The following KDM4B variants were observed in gnomAD, a reference collection of about 807,000 sequenced individuals.
The protein encoded by KDM4B is lysine-specific demethylase 4B.
In KDM4B, 32 loss-of-function variants were observed where a neutral mutation model predicts 125.2. The observed-to-expected ratio is 0.26, with a 90% CI of 0.19 to 0.34. The LOEUF (loss-of-function observed/expected upper bound fraction) is 0.34. Among genes scored for constraint, KDM4B ranks in the 10% least tolerant of loss-of-function variants. KDM4B has a pLI of 1.00. For missense variants in KDM4B, 1,190 were observed against 1,577.7 expected, an observed-to-expected ratio of 0.75 and a Z score of 4.16; for synonymous variants, 721 against 677.9, an observed-to-expected ratio of 1.06 and a Z score of -0.99.
At position 5,111,924 on chromosome 19, in the gene KDM4B, C is replaced by A. The variant is rs541464342; in HGVS notation, c.1115+1106C>A. 3.3e-4 allele frequency: 238 copies of A among 714,714 alleles called. 1 individual carries two copies. The highest frequency in any genetic ancestry group is 5.2e-4 in the Non-Finnish European group (201 of 389,372). 44.3% of individuals were successfully genotyped at this position (714,714 alleles called of 1,614,324 possible). A position where few individuals can be genotyped will look rare whatever the true frequency, so the allele number is the denominator to read the frequency against. On this transcript the variant is annotated intron_variant, in intron 10 of 22. Transcript: ENST00000159111. ...AGATCTCATGATTTTTACATGCTAC[C>A]AAATACGATAATTTTTCTGTTTTGA...
intron 17 of KDM4B, 49 bp from the exon 18 acceptor site, chr19:5,137,913 G>T (rs1479854539): frequency 4.0e-6 from 6 of 1,494,352 alleles, no homozygotes; most frequent in Non-Finnish European, 4.6e-6. Flanking sequence ...TCTGTGACCA[G>T]CCCAGGTCCT....
At position 5,070,852 on chromosome 19, in the gene KDM4B, C is replaced by T. The variant is rs866290754; in HGVS notation, c.627-158C>T. 2.4e-5 allele frequency: 15 copies of T among 632,656 alleles called. 1 individual carries two copies. The Middle Eastern group carries it at 3.9e-3, about 165-fold the overall frequency. 39.2% of individuals were successfully genotyped at this position (632,656 alleles called of 1,614,324 possible). A position where few individuals can be genotyped will look rare whatever the true frequency, so the allele number is the denominator to read the frequency against. On this transcript the variant is annotated intron_variant, in intron 6 of 22. Transcript: ENST00000159111. ...CTTACGGATTCCGTCCTGAAAGCCC[C>T]CACCCCCGGCCATCCCCTCCACACA...
chr19:5,100,616 G>C (rs917796567), intron 9 of KDM4B, among the ~76,000 whole-genome samples: 9 of 151,970 alleles, frequency 5.9e-5, no homozygotes, highest in African/African-American at 1.4e-4. Context: ...ATGGGGTCTC[G>C]CCATGTTGCC....
intron 1 of KDM4B, among the ~76,000 whole-genome samples, chr19:4,992,372 T>C (rs1389447580): frequency 1.3e-5 from 2 of 152,212 alleles, no homozygotes; most frequent in Non-Finnish European, 2.9e-5. Context: ...AAATTAATAT[T>C]TGAGATCTTC....
At chr19:5,033,934 C>T (rs996608968) in intron 3 of KDM4B, among the ~76,000 whole-genome samples, 1 of 152,132 alleles carries the variant, frequency 6.6e-6, no homozygotes, top group African/African-American at 2.4e-5. Context: ...AGTTCAAGAC[C>T]AAGCTGGCCA....
At position 5,019,856 on chromosome 19, in the gene KDM4B, AGGTGTC is replaced by A. The variant is rs1241650472; in HGVS notation, c.-26+3523_-26+3528del. Among the ~76,000 whole-genome samples, 7 of 93,296 alleles carry A rather than the reference AGGTGTC, an allele frequency of 7.5e-5. No homozygotes were observed. In the South Asian group the frequency reaches 1.9e-3, roughly 25 times the overall value. The allele number at this position is 93,296 out of a possible 152,430, so 61.2% of individuals were successfully genotyped here. On this transcript the variant is annotated intron_variant, in intron 2 of 22. Transcript: ENST00000159111. ...GATGTTGGTGTGGACGTTGGTGTGCAGGTGTCGGTGTGGGTGTGCAGGTGTTGGTGT... is the reference window on the plus strand; with the variant it reads ...GATGTTGGTGTGGACGTTGGTGTGCAGGTGTGGGTGTGCAGGTGTTGGTGT...
At chr19:5,110,461 GAC>G (rs1402821499) in intron 9 of KDM4B, among the ~76,000 whole-genome samples, 159 bp from the exon 10 acceptor site, 1 of 152,218 alleles carries the variant, frequency 6.6e-6, no homozygotes, top group African/African-American at 2.4e-5. Flanking sequence ...GACAGAGTGA[GAC>G]CGTGTCTCGA....
chr19:5,030,470 G>C (rs1045544253), intron 2 of KDM4B, among the ~76,000 whole-genome samples: 1 of 152,226 alleles, frequency 6.6e-6, no homozygotes, highest in Non-Finnish European at 1.5e-5. Flanking sequence ...GCAGAGGGGG[G>C]TGGGCCAGCC....
intron 1 of KDM4B, among the ~76,000 whole-genome samples, chr19:4,994,805 T>A (rs2035148014): frequency 1.3e-5 from 2 of 152,284 alleles, no homozygotes; most frequent in East Asian, 3.9e-4. Context: ...TAAGTGAATA[T>A]TTTCTAGTGT....
chr19:5,077,706 A>C, intron 8 of KDM4B: 3 of 490,564 alleles, frequency 6.1e-6, no homozygotes, highest in Non-Finnish European at 7.3e-6. Flanking sequence ...TCCCAAACCA[A>C]ACCAAAACTT....
chr19:4,977,695 G>A (rs544854754), intron 1 of KDM4B, among the ~76,000 whole-genome samples: 17 of 152,334 alleles, frequency 1.1e-4, no homozygotes, highest in African/African-American at 3.6e-4. Context: ...GAGCCAGCCT[G>A]AAACTACCCA....
intron 1 of KDM4B, among the ~76,000 whole-genome samples, chr19:4,994,459 A>G (rs1568213266): frequency 6.7e-6 from 1 of 149,346 alleles, no homozygotes; most frequent in Non-Finnish European, 1.5e-5. Flanking sequence ...GCTACTCAGG[A>G]GGCTGAGGCA....
At chr19:5,084,523 A>C (rs1225858681) in intron 9 of KDM4B, among the ~76,000 whole-genome samples, 1 of 57,690 alleles carries the variant, frequency 1.7e-5, no homozygotes, top group Non-Finnish European at 3.2e-5. Flanking sequence ...AATATAAATT[A>C]TATATGTTAT....
intron 1 of KDM4B, among the ~76,000 whole-genome samples, chr19:4,987,802 G>C (rs552137536): frequency 6.6e-6 from 1 of 152,248 alleles, no homozygotes; most frequent in African/African-American, 2.4e-5. Context: ...TCCAGGCGTC[G>C]CCCAGGTGAT....
At chr19:5,109,715 C>T (rs2039103251) in intron 9 of KDM4B, among the ~76,000 whole-genome samples, 2 of 152,136 alleles carry the variant, frequency 1.3e-5, no homozygotes, top group Admixed American at 1.3e-4. Flanking sequence ...ATTGTCGTCC[C>T]TCCAGCCCTG....
In KDM4B at chr19:5,135,148, G is replaced by A. The variant is rs1363715063; in HGVS notation, c.2086-191G>A. 3.9e-5 allele frequency among the ~76,000 whole-genome samples: 6 copies of A among 152,356 alleles called. No homozygotes were observed. The East Asian group carries it at 1.2e-3, about 29-fold the overall frequency. Reference sequence around the variant, plus strand: ...GGCGGGTTGGGGACAGGGTCAGACAGTGTTTGGGGATCCTGACTTTCTGGA... The same window carrying A: ...GGCGGGTTGGGGACAGGGTCAGACAATGTTTGGGGATCCTGACTTTCTGGA... On this transcript the variant is annotated intron_variant, in intron 14 of 22. Coordinates refer to ENST00000159111, the MANE Select transcript of KDM4B (RefSeq NM_015015.3).
At chr19:5,125,960 G>A (rs2039442576) in intron 11 of KDM4B, among the ~76,000 whole-genome samples, 1 of 152,242 alleles carries the variant, frequency 6.6e-6, no homozygotes, top group African/African-American at 2.4e-5. Context: ...TTCACAGTCA[G>A]GGGCACGACA....
chr19:5,072,554 A>G (rs1208788103), intron 7 of KDM4B, among the ~76,000 whole-genome samples: 1 of 152,206 alleles, frequency 6.6e-6, no homozygotes, highest in Non-Finnish European at 1.5e-5. Flanking sequence ...GCTCACTTAC[A>G]TACTAAAGCT....
At chr19:5,016,948 GCCCGGGTGAC>G (rs1050869197) in intron 2 of KDM4B, among the ~76,000 whole-genome samples, 10 of 152,244 alleles carry the variant, frequency 6.6e-5, no homozygotes, top group Non-Finnish European at 1.5e-4. Context: ...CACCCACAGG[GCCCGGGTGAC>G]CCAGTGGAGG....
Sources: allele counts gnomAD v4.1 joint callset (sites outside exome capture counted in the v4.1 genomes callset), GRCh38; gene constraint gnomAD v4.1.1; transcripts MANE v1.5; gene names NCBI Gene and HGNC (gene_info 2026-07-23, HGNC 2026-07-21).